The following DLG2 variants were observed in gnomAD, a reference collection of about 807,000 sequenced individuals.
DLG2 encodes disks large homolog 2.
In DLG2, 45 loss-of-function variants were observed where a neutral mutation model predicts 132.5. The observed-to-expected ratio is 0.34, with a 90% CI of 0.27 to 0.44. The LOEUF is 0.44. Ranked by LOEUF, DLG2 falls within the 20% of genes least tolerant of loss-of-function variation. The pLI, the probability that DLG2 is intolerant of heterozygous loss-of-function variation, is 1.00. For synonymous variants in DLG2, 424 were observed against 419.6 expected (o/e 1.01, Z -0.13); for missense variants, 1,045 against 1,196.9 (o/e 0.87, Z 1.87).
chr11:83,929,883 T>C (rs994551944), intron 15 of DLG2, among the ~76,000 whole-genome samples: 10 of 152,212 alleles, frequency 6.6e-5, no homozygotes, highest in African/African-American at 2.2e-4. Flanking sequence ...TCTAATATTT[T>C]AGTTAAAATA....
chr11:83,890,721 A>T (rs1158063696), intron 15 of DLG2, among the ~76,000 whole-genome samples: 1 of 152,238 alleles, frequency 6.6e-6, no homozygotes, highest in African/African-American at 2.4e-5. Flanking sequence ...AGTATGAAGC[A>T]TGGAAAATAG....
intron 7 of DLG2, among the ~76,000 whole-genome samples, chr11:84,457,016 C>T (rs1433475928): frequency 6.6e-6 from 1 of 151,182 alleles, no homozygotes; most frequent in African/African-American, 2.4e-5. Flanking sequence ...AAGCCATATT[C>T]AGACAATTTT....
intron 6 of DLG2, among the ~76,000 whole-genome samples, chr11:84,969,992 G>C (rs2053850382): frequency 6.6e-6 from 1 of 151,990 alleles, no homozygotes; most frequent in Non-Finnish European, 1.5e-5. Flanking sequence ...AGAGAGAAGG[G>C]AACATCACAT....
intron 3 of DLG2, among the ~76,000 whole-genome samples, chr11:85,431,992 A>G (rs2091217443): frequency 6.6e-6 from 1 of 152,196 alleles, no homozygotes; most frequent in Non-Finnish European, 1.5e-5. Flanking sequence ...CTCCAGCCCC[A>G]TCAAGTGACA....
intron 14 of DLG2, among the ~76,000 whole-genome samples, chr11:83,943,787 A>G (rs2154140960): frequency 6.6e-6 from 1 of 152,326 alleles, no homozygotes; most frequent in Non-Finnish European, 1.5e-5. Context: ...TTGGGAGGCT[A>G]TGAACATGGT....
chr11:83,603,271 C>T (rs1434531038), intron 19 of DLG2, among the ~76,000 whole-genome samples: 1 of 152,204 alleles, frequency 6.6e-6, no homozygotes, highest in Non-Finnish European at 1.5e-5. Flanking sequence ...TTCCTAAGTA[C>T]TCTTCTTCCA....
At chr11:84,095,461 C>G (rs1471036802) in intron 10 of DLG2, among the ~76,000 whole-genome samples, 1 of 152,174 alleles carries the variant, frequency 6.6e-6, no homozygotes, top group Admixed American at 6.5e-5. Context: ...TTACAATGTC[C>G]TTCTCCCATG....
chr11:83,814,762 A>ATT (rs748326969), intron 17 of DLG2: 4 of 198,248 alleles, frequency 2.0e-5, no homozygotes, highest in Non-Finnish European at 4.5e-5. Context: ...CTTTGTGGAC[A>ATT]TTTTCCCCCT....
chr11:83,937,510 A>G (rs902122089), intron 14 of DLG2, among the ~76,000 whole-genome samples: 3 of 103,570 alleles, frequency 2.9e-5, no homozygotes, highest in African/African-American at 1.3e-4. Context: ...TCCATCTCAA[A>G]AAAAAAAAAA....
At chr11:84,610,345 T>C (rs923456101) in intron 6 of DLG2, among the ~76,000 whole-genome samples, 1 of 152,090 alleles carries the variant, frequency 6.6e-6, no homozygotes, top group Admixed American at 6.6e-5. Flanking sequence ...TTTTAAAAAT[T>C]TTTTGCAAGA....
intron 7 of DLG2, among the ~76,000 whole-genome samples, chr11:84,358,773 A>T (rs904938611): frequency 1.3e-5 from 2 of 151,950 alleles, no homozygotes; most frequent in African/African-American, 4.8e-5. Flanking sequence ...AAAAGGTAAT[A>T]ATCATTTTGC....
intron 6 of DLG2, among the ~76,000 whole-genome samples, chr11:84,680,534 T>G (rs949229521): frequency 6.6e-6 from 1 of 152,210 alleles, no homozygotes; most frequent in African/African-American, 2.4e-5. Context: ...AAATCATTTC[T>G]ACTGGGGTGT....
chr11:85,402,404 G>A (rs953918544), intron 3 of DLG2, among the ~76,000 whole-genome samples: 1 of 152,040 alleles, frequency 6.6e-6, no homozygotes, highest in Non-Finnish European at 1.5e-5. Flanking sequence ...CAAAACCTAG[G>A]CAATACCATT....
intron 18 of DLG2, among the ~76,000 whole-genome samples, chr11:83,767,742 T>C (rs1274543798): frequency 2.0e-5 from 3 of 148,672 alleles, no homozygotes; most frequent in South Asian, 2.2e-4. Context: ...GTAGGCACTT[T>C]GCAAGATTAA....
At chr11:84,540,000 G>A (rs924262973) in intron 6 of DLG2, among the ~76,000 whole-genome samples, 16 of 152,112 alleles carry the variant, frequency 1.1e-4, no homozygotes, top group Admixed American at 2.6e-4. Flanking sequence ...ATAGAAAGCT[G>A]AAACGGGAAT....
intron 6 of DLG2, among the ~76,000 whole-genome samples, chr11:85,072,905 A>T (rs568613370): frequency 6.6e-6 from 1 of 151,830 alleles, no homozygotes; most frequent in Admixed American, 6.6e-5. Flanking sequence ...ATGATGGGTC[A>T]AAAAGGTCTC....
chr11:84,283,615 C>G (rs1210332001), intron 7 of DLG2, among the ~76,000 whole-genome samples: 1 of 152,034 alleles, frequency 6.6e-6, no homozygotes, highest in African/African-American at 2.4e-5. Flanking sequence ...TCCTAACCAC[C>G]ATTACACCCT....
intron 7 of DLG2, among the ~76,000 whole-genome samples, chr11:84,483,549 A>G (rs888984454): frequency 6.6e-6 from 1 of 152,144 alleles, no homozygotes; most frequent in African/African-American, 2.4e-5. Context: ...TTCTGATACA[A>G]TTAATAGCAT....
At chr11:84,504,971 T>C (rs1434459816) in intron 7 of DLG2, among the ~76,000 whole-genome samples, 1 of 152,276 alleles carries the variant, frequency 6.6e-6, no homozygotes, top group South Asian at 2.1e-4. Flanking sequence ...ATATTATGAA[T>C]AGTGTGTTTT....
Sources: gnomAD v4.1 joint callset for allele counts (sites outside exome capture counted in the v4.1 genomes callset) on GRCh38, gnomAD v4.1.1 for gene constraint, MANE v1.5 for transcripts, NCBI Gene and HGNC (gene_info 2026-07-23, HGNC 2026-07-21) for gene names.